Variants in CEP152 observed in about 807,000 individuals in gnomAD.
CEP152 encodes the protein centrosomal protein 152.
A neutral mutation model predicts 188.9 loss-of-function variants in CEP152; 132 were observed. That is an observed-to-expected ratio of 0.70 (90% CI 0.61 to 0.81). The LOEUF (loss-of-function observed/expected upper bound fraction) is 0.81. Ranked by LOEUF, CEP152 falls within the 30% of genes least tolerant of loss-of-function variation. The probability of loss-of-function intolerance (pLI) is 0.00; values close to 1 mark genes in which losing one functional copy is unlikely to be tolerated. For missense variants in CEP152, 1,914 were observed against 1,969.8 expected (o/e 0.97, Z 0.54); for synonymous variants, 649 against 666.6 (o/e 0.97, Z 0.41).
chr15:48,739,326 T>A, intron 26 of CEP152, 38 bp from the exon 27 acceptor site: 1 of 1,572,706 alleles, frequency 6.4e-7, no homozygotes, highest in Non-Finnish European at 8.6e-7. Context: ...AAGAGAAAAT[T>A]AATATTTAAA....
At chr15:48,741,151 A>ATTTTTTTTTTTTTT (rs1892947706) in intron 26 of CEP152, 1 of 651,228 alleles carries the variant, frequency 1.5e-6, no homozygotes, top group Non-Finnish European at 1.7e-6. Flanking sequence ...TTTTTTTGAG[A>ATTTTTTTTTTTTTT]CAGGGCCTCA....
chr15:48,800,713 T>C (rs1428091158), intron 2 of CEP152, among the ~76,000 whole-genome samples: 2 of 152,220 alleles, frequency 1.3e-5, no homozygotes, highest in Admixed American at 6.5e-5. Flanking sequence ...AGGATATTAC[T>C]GTGTATTAAC....
At position 48,793,385 on chromosome 15, in the gene CEP152, A is replaced by T. The variant is rs1358472546; in HGVS notation, c.768T>A (p.Ile256=). 6.2e-7 allele frequency: 1 copy of T among 1,613,824 alleles called. No individual in the cohort carries two copies. Among genetic ancestry groups the T allele is most frequent in the East Asian group, 2.2e-5 (1 of 44,844 alleles). Residue 256 remains isoleucine, a synonymous_variant, in exon 7 of 27, where the codon ATT becomes ATA. Coordinates refer to ENST00000380950, the MANE Select transcript of CEP152 (RefSeq NM_001194998.2). ...KAKERQLENL[I]EKLNESERQI... ...GACGTTCACTTTCATTTAACTTTTC[A>T]ATTAAGTTCTCCAGTTGTCTCTCTT... is the stretch of plus-strand genomic sequence containing the variant.
chr15:48,729,152 G>C (rs139034642), intron 2 of CEP152: 19 of 152,216 alleles, frequency 1.2e-4, no homozygotes, highest in African/African-American at 4.6e-4. Flanking sequence ...GAAGAAAAGT[G>C]GTAAGTCCTC....
downstream of CEP152, among the ~76,000 whole-genome samples, chr15:48,735,103 A>C (rs905609396): frequency 6.6e-6 from 1 of 152,254 alleles, no homozygotes; most frequent in African/African-American, 2.4e-5. Context: ...AGGATAGGCC[A>C]TATGCCAGGC....
Position 48,732,109 on chromosome 15 carries a change from G to A in CEP152, c.142+9522C>T, listed in dbSNP as rs565212873. ...GGGAATGTAAATTAGTTCAACCATT[G>A]TGGAAGACAGTATGGCGATTCCTCA... On this transcript the variant is annotated intron_variant and NMD_transcript_variant, in intron 2 of 3. Transcript: ENST00000561245. Among the ~76,000 whole-genome samples the A allele has an allele frequency of 2.0e-5, 3 of 152,334 alleles. No individual in the cohort carries two copies. The East Asian group carries it at 5.8e-4, about 29-fold the overall frequency.
rs775569002 is a variant in CEP152 at position 48,741,692 on chromosome 15, C to T, written c.4002G>A (p.Lys1334=). ...QDDGKEGAEK[K]IMNAASKLAT... ...CAAGTTTGCTAGCAGCATTCATAAT[C>T]TTTTTCTCAGCCCTGTGGGGAATTC... is the stretch of plus-strand genomic sequence containing the variant. The change falls in exon 26 of 27, where the codon AAG becomes AAA. Residue 1334 remains lysine, a synonymous_variant. Coordinates refer to ENST00000380950, the MANE Select transcript of CEP152 (RefSeq NM_001194998.2). 1 of 1,614,054 alleles carries T rather than the reference C, an allele frequency of 6.2e-7. No individual in the cohort carries two copies. The highest frequency in any genetic ancestry group is 8.5e-7 in the Non-Finnish European group (1 of 1,180,010).
chr15:48,783,832 A>G (rs1165792122), intron 10 of CEP152, 141 bp downstream of exon 10: 5 of 459,372 alleles, frequency 1.1e-5, no homozygotes, highest in African/African-American at 8.2e-5. Flanking sequence ...ATAAAAATAT[A>G]TATTTCTTTT....
chr15:48,788,264 G>C (rs538604370), intron 9 of CEP152, among the ~76,000 whole-genome samples: 2 of 150,712 alleles, frequency 1.3e-5, no homozygotes, highest in East Asian at 3.9e-4. Context: ...AATCGTATAA[G>C]AAGTAGGGTT....
At chr15:48,729,239 G>C (rs1892344476) in intron 2 of CEP152, 1 of 152,214 alleles carries the variant, frequency 6.6e-6, no homozygotes, top group Non-Finnish European at 1.5e-5. Flanking sequence ...TTTGAATATA[G>C]AATGTATGTA....
chr15:48,770,682 A>C (rs1302183723), intron 13 of CEP152, among the ~76,000 whole-genome samples: 1 of 152,224 alleles, frequency 6.6e-6, no homozygotes, highest in Non-Finnish European at 1.5e-5. Flanking sequence ...AAAGAAATGT[A>C]GGGCAACAAT....
intron 24 of CEP152, among the ~76,000 whole-genome samples, chr15:48,743,074 G>C (rs1893115850): frequency 1.3e-5 from 2 of 152,116 alleles, no homozygotes; most frequent in Admixed American, 6.5e-5. Context: ...ATACATACAA[G>C]TTATCACATT....
At position 48,772,701 on chromosome 15, in the gene CEP152, A is replaced by G. The variant is rs1466522638; in HGVS notation, c.1578-10T>C. ...TTCTTCTTGTACAATGCTAATGGAG[A>G]AATTGTGATTTTTAACATTAAATCA... On this transcript the variant is annotated splice_polypyrimidine_tract_variant and intron_variant, in intron 12 of 26. Transcript: ENST00000380950. 6.2e-7 allele frequency: 1 copy of G among 1,609,692 alleles called. No individual in the cohort carries two copies. The highest frequency in any genetic ancestry group is 1.1e-5 in the South Asian group (1 of 91,012).
chr15:48,750,025 A>G (rs1893760400), intron 21 of CEP152, among the ~76,000 whole-genome samples: 1 of 152,074 alleles, frequency 6.6e-6, no homozygotes, highest in Non-Finnish European at 1.5e-5. Context: ...CTTACCCTCC[A>G]ATGGTTCATA....
At chr15:48,737,474 G>A (rs1486341802), downstream of CEP152, among the ~76,000 whole-genome samples, 1 of 152,098 alleles carries the variant, frequency 6.6e-6, no homozygotes, top group South Asian at 2.1e-4. Context: ...AGCCAGTTCT[G>A]CACTATAAAT....
chr15:48,748,817 A>G (rs1437751114), intron 21 of CEP152, among the ~76,000 whole-genome samples: 1 of 152,032 alleles, frequency 6.6e-6, no homozygotes, highest in Admixed American at 6.6e-5. Context: ...GAGCATATTA[A>G]TTAACTTGTC....
At chr15:48,783,925 A>G (rs375000974) in intron 10 of CEP152, 48 bp downstream of exon 10, 1 of 1,608,430 alleles carries the variant, frequency 6.2e-7, no homozygotes, top group Admixed American at 1.7e-5. Context: ...TTCTTTCTGC[A>G]TATTGAACCA....
intron 2 of CEP152, 141 bp downstream of exon 2, chr15:48,805,422 A>C (rs1897913674): frequency 8.8e-7 from 1 of 1,141,766 alleles, no homozygotes; most frequent in South Asian, 1.6e-5. Flanking sequence ...CTAAATAGCA[A>C]GCAGATTTTA....
At chr15:48,803,737 G>A (rs1897813908) in intron 2 of CEP152, among the ~76,000 whole-genome samples, 1 of 152,094 alleles carries the variant, frequency 6.6e-6, no homozygotes, top group African/African-American at 2.4e-5. Flanking sequence ...TCCTTAACTA[G>A]TATCCCCTCT....
Sources: allele counts gnomAD v4.1 joint callset (sites outside exome capture counted in the v4.1 genomes callset), GRCh38; gene constraint gnomAD v4.1.1; transcripts MANE v1.5; gene names NCBI Gene and HGNC (gene_info 2026-07-23, HGNC 2026-07-21).